Variants in PEAK1 observed in about 807,000 individuals in gnomAD.
The protein encoded by PEAK1 is inactive tyrosine-protein kinase PEAK1.
Under a neutral mutation model 124.7 loss-of-function variants are expected in PEAK1, and 54 were observed. The observed-to-expected ratio is 0.43, with a 90% CI of 0.35 to 0.54. The LOEUF (loss-of-function observed/expected upper bound fraction) is 0.54. Among genes scored for constraint, PEAK1 ranks in the 20% least tolerant of loss-of-function variants. PEAK1 has a pLI of 0.01. For missense variants in PEAK1, 2,046 were observed against 2,134.5 expected (o/e 0.96, Z 0.82); for synonymous variants, 719 against 760.0 (o/e 0.95, Z 0.89).
intron 6 of PEAK1, among the ~76,000 whole-genome samples, chr15:77,232,943 T>TAC (rs1678705394): frequency 2.0e-5 from 3 of 152,212 alleles, no homozygotes; most frequent in African/African-American, 7.2e-5. Flanking sequence ...GACGGGGTTT[T>TAC]ACATTGTTGG....
At chr15:77,337,029 T>G in intron 2 of PEAK1, 1 of 718,192 alleles carries the variant, frequency 1.4e-6, no homozygotes, top group Non-Finnish European at 1.7e-6. Flanking sequence ...ATTAACTAGA[T>G]TATAGTAGGT....
rs111301083 is a variant in PEAK1 at position 77,129,273 on chromosome 15, T to C, written c.4077+3732A>G. ...ACTTGAATTTTTTAGCCTCCAGAAATAGGGAAAATAAATTTCTGTTGTTTA... is the reference window on the plus strand; with the variant it reads ...ACTTGAATTTTTTAGCCTCCAGAAACAGGGAAAATAAATTTCTGTTGTTTA... On this transcript the variant is annotated intron_variant, in intron 9 of 9. Transcript: ENST00000682557. Among the ~76,000 whole-genome samples, 175 of 152,282 alleles carry C rather than the reference T, an allele frequency of 1.1e-3. 2 individuals carry two copies. The highest frequency in any genetic ancestry group is 4.1e-3 in the African/African-American group (169 of 41,560).
intron 7 of PEAK1, among the ~76,000 whole-genome samples, chr15:77,171,631 T>C (rs576209397): frequency 1.4e-4 from 21 of 152,294 alleles, no homozygotes; most frequent in Non-Finnish European, 2.5e-4. Context: ...AGGATGACTA[T>C]AGTTAACAGT....
At chr15:77,238,801 C>A (rs976270083) in intron 6 of PEAK1, among the ~76,000 whole-genome samples, 3 of 152,116 alleles carry the variant, frequency 2.0e-5, no homozygotes, top group African/African-American at 7.2e-5. Context: ...CTTGTTTTTG[C>A]ATGTCAAACA....
At chr15:77,155,989 C>T (rs1226724770) in intron 8 of PEAK1, 1 of 152,534 alleles carries the variant, frequency 6.6e-6, no homozygotes, top group Admixed American at 6.5e-5. Flanking sequence ...TCTCAGATCT[C>T]CAGCTGCGTG....
chr15:77,221,178 ACT>A (rs1057050370), intron 6 of PEAK1, among the ~76,000 whole-genome samples: 110 of 152,098 alleles, frequency 7.2e-4, no homozygotes, highest in African/African-American at 2.5e-3. Context: ...TAAACTTTCC[ACT>A]CTGTCATTGC....
intron 2 of PEAK1, among the ~76,000 whole-genome samples, chr15:77,291,431 C>A (rs2063207065): frequency 6.6e-6 from 1 of 152,140 alleles, no homozygotes; most frequent in Non-Finnish European, 1.5e-5. Flanking sequence ...AGAAAAGCGA[C>A]TGATAATGTT....
At chr15:77,288,995 T>A (rs1048038510) in intron 2 of PEAK1, among the ~76,000 whole-genome samples, 1 of 150,542 alleles carries the variant, frequency 6.6e-6, no homozygotes, top group African/African-American at 2.4e-5. Flanking sequence ...CATAGGAGGC[T>A]AAGAAGACAT....
chr15:77,418,220 C>T (rs1003603438), intron 1 of PEAK1: 1 of 985,406 alleles, frequency 1.0e-6, no homozygotes, highest in Non-Finnish European at 1.2e-6. Context: ...CACCAAAACA[C>T]TTCTCTTCCA....
At chr15:77,101,371 A>T (rs2152701153) in exon 7 of PEAK1, 1 of 152,354 alleles carries the variant, frequency 6.6e-6, no homozygotes, top group African/African-American at 2.4e-5. Flanking sequence ...CGAGGCCGAG[A>T]TTTGAATTCA....
rs1466308421 is a variant in PEAK1 at position 77,109,125 on chromosome 15, A to T, written c.*5031T>A. 2 of 152,190 alleles carry T rather than the reference A, an allele frequency of 1.3e-5. No homozygotes were observed. Among genetic ancestry groups the T allele is most frequent in the African/African-American group, 4.8e-5 (2 of 41,444 alleles). 9.4% of individuals were successfully genotyped at this position (152,190 alleles called of 1,614,324 possible). The stretch of plus-strand genomic sequence containing the variant: ...TAAAAACAATTACAATTTGTTAAGA[A>T]ATTTCCCAAGAGTTCTTTAAACAAA... On this transcript the variant is annotated 3_prime_UTR_variant, in exon 10 of 10. Coordinates refer to ENST00000682557, the MANE Select transcript of PEAK1 (RefSeq NM_001385026.1).
At chr15:77,371,104 T>C (rs2068610778) in intron 1 of PEAK1, 7 of 950,900 alleles carry the variant, frequency 7.4e-6, no homozygotes, top group Non-Finnish European at 8.8e-6. Context: ...TCTGTGACTT[T>C]AAGGCTGAAT....
chr15:77,167,377 C>T (rs1274214061), intron 7 of PEAK1, among the ~76,000 whole-genome samples: 1 of 152,138 alleles, frequency 6.6e-6, no homozygotes, highest in African/African-American at 2.4e-5. Flanking sequence ...CATTCTGGTA[C>T]ATATAAACAT....
Position 77,209,440 on chromosome 15 carries a change from G to A in PEAK1, c.-114-27400C>T, listed in dbSNP as rs149643967. Among the ~76,000 whole-genome samples, 206 of 152,210 alleles carry A rather than the reference G, an allele frequency of 1.4e-3. 1 individual carries two copies. The East Asian group carries it at 0.034, about 25-fold the overall frequency. ...GGGCACTGAATCAAGTCTAATTTGGGTTGAATTCAAATTTGATTATCTAGA... is the reference window on the plus strand; with the variant it reads ...GGGCACTGAATCAAGTCTAATTTGGATTGAATTCAAATTTGATTATCTAGA... On this transcript the variant is annotated intron_variant, in intron 6 of 9. Transcript: ENST00000682557.
At chr15:77,219,120 T>C (rs1454162395) in intron 6 of PEAK1, among the ~76,000 whole-genome samples, 1 of 152,176 alleles carries the variant, frequency 6.6e-6, no homozygotes, top group African/African-American at 2.4e-5. Context: ...TTAAGATTAA[T>C]ATATGTATAC....
intron 6 of PEAK1, among the ~76,000 whole-genome samples, chr15:77,189,463 C>A (rs1192170846): frequency 3.4e-5 from 5 of 146,528 alleles, no homozygotes; most frequent in African/African-American, 1.2e-4. Flanking sequence ...AGCAGCAGCA[C>A]TGTCCACCAT....
chr15:77,383,917 A>G (rs2069698510), intron 1 of PEAK1, among the ~76,000 whole-genome samples: 1 of 152,188 alleles, frequency 6.6e-6, no homozygotes, highest in Non-Finnish European at 1.5e-5. Context: ...AAATCAAACT[A>G]CCCGTTCATG....
intron 5 of PEAK1, among the ~76,000 whole-genome samples, chr15:77,267,925 A>T (rs1395512509): frequency 6.6e-6 from 1 of 152,212 alleles, no homozygotes; most frequent in African/African-American, 2.4e-5. Flanking sequence ...TAGAGGAGGC[A>T]TCAGAGAAAG....
chr15:77,356,843 T>C (rs572797872), intron 2 of PEAK1, among the ~76,000 whole-genome samples: 1 of 152,240 alleles, frequency 6.6e-6, no homozygotes, highest in Non-Finnish European at 1.5e-5. Context: ...AGAGTAAAGA[T>C]AGAATTCATC....
Sources: gnomAD v4.1 joint callset for allele counts (sites outside exome capture counted in the v4.1 genomes callset) on GRCh38, gnomAD v4.1.1 for gene constraint, MANE v1.5 for transcripts, NCBI Gene and HGNC (gene_info 2026-07-23, HGNC 2026-07-21) for gene names.